The following TNNI3K variants were observed in gnomAD, a reference collection of about 807,000 sequenced individuals.
TNNI3K encodes TNNI3 interacting kinase, also known as serine/threonine-protein kinase TNNI3K.
A neutral mutation model predicts 114.5 loss-of-function variants in TNNI3K; 140 were observed. The observed-to-expected ratio is 1.22, with a 90% confidence interval of 1.07 to 1.41. The LOEUF (loss-of-function observed/expected upper bound fraction) is 1.41, where lower values mean the gene tolerates loss of function less well. Ranked by LOEUF, TNNI3K falls within the 40% of genes most tolerant of loss-of-function variation. The pLI is 0.00. For missense variants in TNNI3K, 1,125 were observed against 1,007.6 expected (o/e 1.12, Z -1.58); for synonymous variants, 347 against 347.5 (o/e 1.00, Z 0.02).
At chr1:74,423,352 A>G (rs554633497) in intron 17 of TNNI3K, among the ~76,000 whole-genome samples, 2 of 152,232 alleles carry the variant, frequency 1.3e-5, no homozygotes, top group South Asian at 2.1e-4. Flanking sequence ...ACTAAAAACA[A>G]TATTCAAAGC....
chr1:74,466,026 T>C (rs1006007389), intron 21 of TNNI3K, among the ~76,000 whole-genome samples: 1 of 152,200 alleles, frequency 6.6e-6, no homozygotes, highest in Admixed American at 6.5e-5. Context: ...TGGTCCACGC[T>C]GTGTTTATGA....
rs532655090 is a variant in TNNI3K at position 74,236,284 on chromosome 1, T to C, written c.149+74T>C. The C allele has an allele frequency of 5.5e-5, 74 of 1,355,564 alleles. 1 individual carries two copies. In the African/African-American group the frequency reaches 1.0e-3, roughly 19 times the overall value. The allele number at this position is 1,355,564 out of a possible 1,614,324, so 84.0% of individuals were successfully genotyped here. Reference sequence around the variant, plus strand: ...CACCTTATTTTTTAAAGTATCTGTATATTTTTTAAACCCGTAGAACCTCAG... The same window carrying C: ...CACCTTATTTTTTAAAGTATCTGTACATTTTTTAAACCCGTAGAACCTCAG... On this transcript the variant is annotated intron_variant, in intron 2 of 24. Coordinates refer to ENST00000326637, the MANE Select transcript of TNNI3K (RefSeq NM_015978.3).
chr1:74,239,973 G>C (rs1430307012), intron 2 of TNNI3K: 1 of 469,716 alleles, frequency 2.1e-6, no homozygotes, highest in Admixed American at 2.4e-5. Context: ...ATTGGTGACA[G>C]GAAGAAATGA....
At chr1:74,417,936 C>T (rs1665210717) in intron 17 of TNNI3K, among the ~76,000 whole-genome samples, 1 of 152,016 alleles carries the variant, frequency 6.6e-6, no homozygotes, top group Non-Finnish European at 1.5e-5. Context: ...ACATGAAGCT[C>T]AACATGTGTA....
chr1:74,372,855 A>G lies in TNNI3K; in HGVS notation c.1772+2463A>G, dbSNP rs1286579793. Reference sequence around the variant, plus strand: ...ATGTTGATTAAAATAAAAACAGAACATTTACTATATAGCTGATATAAGTTT... The same window carrying G: ...ATGTTGATTAAAATAAAAACAGAACGTTTACTATATAGCTGATATAAGTTT... On this transcript the variant is annotated intron_variant, in intron 17 of 24. Coordinates refer to ENST00000326637, the MANE Select transcript of TNNI3K (RefSeq NM_015978.3). 8 of 151,900 alleles carry G rather than the reference A, an allele frequency of 5.3e-5. No individual in the cohort carries two copies. In the East Asian group the frequency reaches 9.7e-4, roughly 18 times the overall value. 9.4% of individuals were successfully genotyped at this position (151,900 alleles called of 1,614,324 possible).
chr1:74,317,689 A>T (rs1383701963), intron 5 of TNNI3K, among the ~76,000 whole-genome samples: 1 of 152,092 alleles, frequency 6.6e-6, no homozygotes, highest in Non-Finnish European at 1.5e-5. Context: ...CTCCTGCTTT[A>T]TGTCTGTTTT....
intron 17 of TNNI3K, among the ~76,000 whole-genome samples, chr1:74,425,816 G>A (rs1438935193): frequency 2.6e-5 from 4 of 152,082 alleles, no homozygotes; most frequent in Non-Finnish European, 4.4e-5. Flanking sequence ...AGGAGCTAGA[G>A]GGTATTCTGG....
chr1:74,339,198 C>T (rs965598896), intron 7 of TNNI3K, among the ~76,000 whole-genome samples: 32 of 152,142 alleles, frequency 2.1e-4, no homozygotes, highest in Non-Finnish European at 7.4e-5. Flanking sequence ...ATACCAGCAT[C>T]ATATGATACA....
intron 2 of TNNI3K, among the ~76,000 whole-genome samples, chr1:74,244,318 A>G (rs926415098): frequency 6.6e-6 from 1 of 152,094 alleles, no homozygotes; most frequent in African/African-American, 2.4e-5. Context: ...AGAGGAGAAC[A>G]AAAGCAACAA....
intron 17 of TNNI3K, among the ~76,000 whole-genome samples, chr1:74,393,040 G>A (rs1569092): frequency 0.16 from 24,180 of 152,172 alleles, 2,026 homozygotes; most frequent in African/African-American, 0.23. Flanking sequence ...TCATAGAGGT[G>A]GCAAATAATC....
intron 23 of TNNI3K, among the ~76,000 whole-genome samples, chr1:74,504,125 C>T (rs1264478574): frequency 1.3e-5 from 2 of 152,150 alleles, no homozygotes; most frequent in Non-Finnish European, 2.9e-5. Context: ...CACATATACA[C>T]GAAAAGTGAA....
intron 21 of TNNI3K, chr1:74,472,050 A>C (rs1371514854): frequency 2.8e-6 from 2 of 712,240 alleles, no homozygotes; most frequent in Non-Finnish European, 5.2e-6. Context: ...AGCTTGTAAT[A>C]AAATGTCTTT....
At chr1:74,516,881 A>T (rs1197613088) in intron 23 of TNNI3K, among the ~76,000 whole-genome samples, 1 of 152,224 alleles carries the variant, frequency 6.6e-6, no homozygotes, top group African/African-American at 2.4e-5. Flanking sequence ...TTGCCAGTTC[A>T]CAAAAATGAT....
At chr1:74,270,136 G>A (rs1480977473) in intron 4 of TNNI3K, among the ~76,000 whole-genome samples, 1 of 151,784 alleles carries the variant, frequency 6.6e-6, no homozygotes, top group African/African-American at 2.4e-5. Flanking sequence ...GTAATACGAT[G>A]AAAAGAGATG....
In TNNI3K at chr1:74,543,236, G is replaced by A. The variant is rs576073059; in HGVS notation, c.2432-670G>A. On this transcript the variant is annotated intron_variant, in intron 24 of 24. Transcript: ENST00000326637. ...ACTACAGGCACATGCCACCACACCC[G>A]GCTATTTTTTGTATTTTAGTAGAGA... Among the ~76,000 whole-genome samples the A allele has an allele frequency of 8.6e-5, 13 of 151,330 alleles. No individual in the cohort carries two copies. In the East Asian group the frequency reaches 2.0e-3, roughly 23 times the overall value.
chr1:74,468,280 AAAAG>A (rs1421569685), intron 21 of TNNI3K: 1 of 152,114 alleles, frequency 6.6e-6, no homozygotes, highest in Non-Finnish European at 1.5e-5. Flanking sequence ...AAAAAAAGGA[AAAAG>A]AAAGATAGCT....
intron 4 of TNNI3K, among the ~76,000 whole-genome samples, chr1:74,252,762 G>T (rs796686195): frequency 6.6e-6 from 1 of 152,162 alleles, no homozygotes; most frequent in Non-Finnish European, 1.5e-5. Context: ...CTGGCTTCAG[G>T]AGTGAAGCTG....
chr1:74,411,375 C>T (rs1664871088), intron 17 of TNNI3K, among the ~76,000 whole-genome samples: 1 of 152,102 alleles, frequency 6.6e-6, no homozygotes, highest in Non-Finnish European at 1.5e-5. Context: ...ATGGGTAAAA[C>T]TTGTTGGTTC....
intron 22 of TNNI3K, among the ~76,000 whole-genome samples, chr1:74,490,247 A>G (rs1288319783): frequency 6.6e-6 from 1 of 152,148 alleles, no homozygotes; most frequent in Non-Finnish European, 1.5e-5. Context: ...CTTATTCAGT[A>G]CTGGGACTTA....
Sources: allele counts gnomAD v4.1 joint callset (sites outside exome capture counted in the v4.1 genomes callset), GRCh38; gene constraint gnomAD v4.1.1; transcripts MANE v1.5; gene names NCBI Gene and HGNC (gene_info 2026-07-23, HGNC 2026-07-21).